NECAB1: variants seen among roughly 807,000 people sequenced by gnomAD.
NECAB1 encodes N-terminal EF-hand calcium binding protein 1.
Under a neutral mutation model 57.5 loss-of-function variants are expected in NECAB1, and 29 were observed. That is an observed-to-expected ratio of 0.50 (90% CI 0.38 to 0.69). NECAB1 has a LOEUF of 0.69. Ranked by LOEUF, NECAB1 falls within the 30% of genes least tolerant of loss-of-function variation. NECAB1 has a pLI of 0.00. For synonymous variants in NECAB1, 142 were observed against 147.7 expected (o/e 0.96, Z 0.28); for missense variants, 372 against 413.8 (o/e 0.90, Z 0.88).
chr8:90,829,221 C>T (rs1812267884), intron 3 of NECAB1, among the ~76,000 whole-genome samples: 2 of 152,006 alleles, frequency 1.3e-5, no homozygotes, highest in Admixed American at 1.3e-4. Context: ...AAATCTATAG[C>T]TTGGTAGCTT....
At chr8:90,908,030 AAGCAC>A (rs890617121) in intron 5 of NECAB1, among the ~76,000 whole-genome samples, 42 of 152,286 alleles carry the variant, frequency 2.8e-4, no homozygotes, top group African/African-American at 1.0e-3. Flanking sequence ...TCGCCTTTGA[AAGCAC>A]AGAGATCATA....
At chr8:90,931,829 C>T (rs553221973) in intron 8 of NECAB1, among the ~76,000 whole-genome samples, 12 of 151,904 alleles carry the variant, frequency 7.9e-5, no homozygotes, top group Middle Eastern at 3.4e-3. Flanking sequence ...GCTTGAACCC[C>T]GGAGGGAGAG....
intron 3 of NECAB1, among the ~76,000 whole-genome samples, chr8:90,869,418 G>C (rs1048220467): frequency 1.3e-5 from 2 of 152,196 alleles, no homozygotes; most frequent in Non-Finnish European, 2.9e-5. Flanking sequence ...AAAGCCACAA[G>C]TACTCAATGT....
At chr8:90,851,253 C>A (rs984712869) in intron 3 of NECAB1, among the ~76,000 whole-genome samples, 16 of 152,080 alleles carry the variant, frequency 1.1e-4, no homozygotes, top group African/African-American at 3.9e-4. Context: ...TATAATAAAC[C>A]AGTAATAGTA....
chr8:90,895,233 T>A (rs1201866700), intron 5 of NECAB1, among the ~76,000 whole-genome samples: 1 of 152,220 alleles, frequency 6.6e-6, no homozygotes, highest in African/African-American at 2.4e-5. Context: ...ACAGATCATC[T>A]GCAGTGACAG....
intron 9 of NECAB1, 76 bp downstream of exon 9, chr8:90,934,433 TATCTC>T: frequency 3.9e-6 from 4 of 1,030,774 alleles, no homozygotes; most frequent in Non-Finnish European, 5.5e-6. Context: ...AAAAATTAGT[TATCTC>T]AATGAAAAAT....
At chr8:90,893,431 T>C (rs1419150172) in intron 5 of NECAB1, among the ~76,000 whole-genome samples, 1 of 152,156 alleles carries the variant, frequency 6.6e-6, no homozygotes, top group East Asian at 1.9e-4. Context: ...CCAGGGGAGC[T>C]GCGGATGTGA....
At chr8:90,931,812 G>C (rs1402331270) in intron 8 of NECAB1, among the ~76,000 whole-genome samples, 1 of 152,122 alleles carries the variant, frequency 6.6e-6, no homozygotes, top group Non-Finnish European at 1.5e-5. Context: ...GCTGAGGCAG[G>C]AGAATCGCTT....
chr8:90,818,951 G>T (rs1161030193), intron 2 of NECAB1, among the ~76,000 whole-genome samples: 1 of 151,826 alleles, frequency 6.6e-6, no homozygotes, highest in Non-Finnish European at 1.5e-5. Context: ...CAGAAAGTCA[G>T]TGTTTTAAAA....
At chr8:90,849,244 G>A (rs1331813424) in intron 3 of NECAB1, among the ~76,000 whole-genome samples, 1 of 152,198 alleles carries the variant, frequency 6.6e-6, no homozygotes, top group Non-Finnish European at 1.5e-5. Context: ...CCACAGAAGG[G>A]AGTCACTTGA....
intron 5 of NECAB1, among the ~76,000 whole-genome samples, chr8:90,901,360 C>G (rs1396078753): frequency 6.6e-6 from 1 of 152,174 alleles, no homozygotes; most frequent in Non-Finnish European, 1.5e-5. Flanking sequence ...TTCCTTCCAG[C>G]GGTGCCCTCA....
rs1810916878 is a variant in NECAB1, at chr8:90,951,172, C to T, written c.998C>T (p.Thr333Ile). Reference sequence around the variant, plus strand: ...AGAAGTAATGTGGATTTCTTGGAAACTCCAGAACTCACATCTACAATGCTA... The same window carrying T: ...AGAAGTAATGTGGATTTCTTGGAAATTCCAGAACTCACATCTACAATGCTA... ...FQRSNVDFLETPELTSTMLVP... is the reference protein window; with the variant it reads ...FQRSNVDFLEIPELTSTMLVP... The change falls in exon 12 of 13, where the codon ACT (threonine) becomes ATT (isoleucine). Residue 333 changes from threonine to isoleucine, a missense_variant. Transcript: ENST00000417640. The T allele has an allele frequency of 6.2e-7, 1 of 1,602,806 alleles. No individual in the cohort carries two copies. Among genetic ancestry groups the T allele is most frequent in the Non-Finnish European group, 8.5e-7 (1 of 1,173,746 alleles).
chr8:90,797,740 GA>G (rs1450876067), intron 1 of NECAB1, among the ~76,000 whole-genome samples: 1 of 152,098 alleles, frequency 6.6e-6, no homozygotes, highest in Non-Finnish European at 1.5e-5. Context: ...CAGCTAGCAG[GA>G]AAAATAATGC....
chr8:90,884,776 T>G (rs961035584), intron 5 of NECAB1, among the ~76,000 whole-genome samples: 1 of 152,122 alleles, frequency 6.6e-6, no homozygotes, highest in Non-Finnish European at 1.5e-5. Flanking sequence ...TGAGTTTGCT[T>G]AGGGGAGAGG....
At chr8:90,933,694 G>A (rs914354185) in intron 8 of NECAB1, among the ~76,000 whole-genome samples, 1 of 151,486 alleles carries the variant, frequency 6.6e-6, no homozygotes, top group Non-Finnish European at 1.5e-5. Context: ...ACCTGTACAA[G>A]CAAATACCAC....
chr8:90,941,642 C>A lies in NECAB1; in HGVS notation c.860+744C>A, dbSNP rs529267490. ...CATTTGTCCTGACTCTATATTTAATCCTACTGACAGACCCAGGAATCCATA... is the reference window on the plus strand; with the variant it reads ...CATTTGTCCTGACTCTATATTTAATACTACTGACAGACCCAGGAATCCATA... On this transcript the variant is annotated intron_variant, in intron 10 of 12. Transcript: ENST00000417640. 1.3e-4 allele frequency among the ~76,000 whole-genome samples: 20 copies of A among 152,280 alleles called. 1 individual carries two copies. In the South Asian group the frequency reaches 2.9e-3, roughly 22 times the overall value.
chr8:90,879,487 C>A (rs1025725162), intron 4 of NECAB1, among the ~76,000 whole-genome samples: 1 of 152,052 alleles, frequency 6.6e-6, no homozygotes, highest in African/African-American at 2.4e-5. Flanking sequence ...GCATTTAAAA[C>A]CCCTGTCACA....
chr8:90,810,345 CTTTA>C (rs1811936475), intron 2 of NECAB1, among the ~76,000 whole-genome samples: 1 of 152,102 alleles, frequency 6.6e-6, no homozygotes, highest in South Asian at 2.1e-4. Context: ...TCACTCATTC[CTTTA>C]TTTGCTTAAT....
chr8:90,953,335 T>G (rs976464696), intron 12 of NECAB1, among the ~76,000 whole-genome samples: 2 of 152,220 alleles, frequency 1.3e-5, no homozygotes, highest in Non-Finnish European at 2.9e-5. Context: ...ACACTACTAG[T>G]GTCATTGGCA....
Sources: gnomAD v4.1 joint callset for allele counts (sites outside exome capture counted in the v4.1 genomes callset) on GRCh38, gnomAD v4.1.1 for gene constraint, MANE v1.5 for transcripts, NCBI Gene and HGNC (gene_info 2026-07-23, HGNC 2026-07-21) for gene names.